The following PHACTR1 variants were observed in gnomAD, a reference collection of about 807,000 sequenced individuals.
The protein encoded by PHACTR1 is phosphatase and actin regulator 1.
A neutral mutation model predicts 69.2 loss-of-function variants in PHACTR1; 16 were observed. That is an observed-to-expected ratio of 0.23 (90% CI 0.16 to 0.35). The LOEUF (loss-of-function observed/expected upper bound fraction) is 0.35, where lower values mean the gene tolerates loss of function less well. Among genes scored for constraint, PHACTR1 ranks in the 10% least tolerant of loss-of-function variants. PHACTR1 has a pLI of 1.00. For synonymous variants in PHACTR1, 312 were observed against 284.5 expected (o/e 1.10, Z -0.97); for missense variants, 510 against 734.7 (o/e 0.69, Z 3.54).
At chr6:12,989,349 T>A (rs1305696674) in intron 4 of PHACTR1, among the ~76,000 whole-genome samples, 4 of 152,006 alleles carry the variant, frequency 2.6e-5, no homozygotes, top group Non-Finnish European at 5.9e-5. Flanking sequence ...ATGAAGAAAA[T>A]GCTTCAGGGT....
chr6:13,035,018 A>C (rs1465125514), intron 4 of PHACTR1, among the ~76,000 whole-genome samples: 1 of 152,236 alleles, frequency 6.6e-6, no homozygotes, highest in Non-Finnish European at 1.5e-5. Flanking sequence ...TTTCTATTTA[A>C]ATAAATGCCT....
At chr6:12,835,410 C>A (rs1778053991) in intron 4 of PHACTR1, among the ~76,000 whole-genome samples, 2 of 151,930 alleles carry the variant, frequency 1.3e-5, no homozygotes, top group African/African-American at 4.8e-5. Flanking sequence ...GTACGACAGG[C>A]CTGAAGGATT....
chr6:13,196,432 G>GTTTTTTTTTTGTTTTTTTTTTTTT (rs1583864869), intron 7 of PHACTR1: 1 of 105,058 alleles, frequency 9.5e-6, no homozygotes, highest in Non-Finnish European at 2.1e-5. Flanking sequence ...TTTTTTTTTT[G>GTTTTTTTTTTGTTTTTTTTTTTTT]TTTTTTGAGA....
At chr6:13,266,440 G>A (rs1324483329) in intron 10 of PHACTR1, 2 of 151,890 alleles carry the variant, frequency 1.3e-5, no homozygotes, top group Admixed American at 6.6e-5. Flanking sequence ...ACTCTTCAAC[G>A]GCTTCACATT....
At chr6:13,046,858 C>G (rs1295532721) in intron 4 of PHACTR1, among the ~76,000 whole-genome samples, 1 of 151,628 alleles carries the variant, frequency 6.6e-6, no homozygotes, top group Non-Finnish European at 1.5e-5. Context: ...TCTAGTTAAT[C>G]AATTCTAGGT....
intron 3 of PHACTR1, among the ~76,000 whole-genome samples, chr6:12,721,546 CAG>C (rs1351364925): frequency 1.3e-5 from 2 of 152,184 alleles, no homozygotes; most frequent in Non-Finnish European, 1.5e-5. Context: ...AAACCCAACT[CAG>C]GGCATAACTG....
intron 4 of PHACTR1, among the ~76,000 whole-genome samples, chr6:12,928,888 T>G (rs1315854801): frequency 6.6e-6 from 1 of 152,176 alleles, no homozygotes; most frequent in Non-Finnish European, 1.5e-5. Flanking sequence ...TACATGAGTC[T>G]CGAAGGAGAA....
chr6:12,778,717 A>T (rs1353440564), intron 4 of PHACTR1, among the ~76,000 whole-genome samples: 1 of 152,238 alleles, frequency 6.6e-6, no homozygotes, highest in African/African-American at 2.4e-5. Context: ...ACCTTGGAAG[A>T]TAGTAAAACT....
At chr6:12,922,332 T>C (rs1787807318) in intron 4 of PHACTR1, among the ~76,000 whole-genome samples, 3 of 152,232 alleles carry the variant, frequency 2.0e-5, no homozygotes, top group Non-Finnish European at 4.4e-5. Context: ...TGTAAAATTA[T>C]TCATAGCTCT....
chr6:13,278,057 G>C (rs545610456), intron 11 of PHACTR1: 12 of 421,066 alleles, frequency 2.8e-5, no homozygotes, highest in African/African-American at 2.0e-4. Flanking sequence ...AAAATGACAA[G>C]GTCAGCCTGC....
At chr6:12,966,684 G>C (rs998369843) in intron 4 of PHACTR1, among the ~76,000 whole-genome samples, 1 of 151,842 alleles carries the variant, frequency 6.6e-6, no homozygotes, top group African/African-American at 2.4e-5. Context: ...GTTTTGTTTT[G>C]TTGATATTGC....
At chr6:12,855,222 C>T (rs768047242) in intron 4 of PHACTR1, among the ~76,000 whole-genome samples, 16 of 152,074 alleles carry the variant, frequency 1.1e-4, no homozygotes, top group Non-Finnish European at 2.1e-4. Context: ...ACCAATTGGC[C>T]GGGTGCCATA....
At chr6:12,764,052 G>T (rs1275066114) in intron 4 of PHACTR1, among the ~76,000 whole-genome samples, 1 of 152,116 alleles carries the variant, frequency 6.6e-6, no homozygotes, top group Non-Finnish European at 1.5e-5. Flanking sequence ...AGTTGAAATG[G>T]TGACACTAAT....
At chr6:13,277,681 C>T (rs1049932670) in intron 11 of PHACTR1, among the ~76,000 whole-genome samples, 8 of 152,174 alleles carry the variant, frequency 5.3e-5, no homozygotes, top group Non-Finnish European at 1.2e-4. Flanking sequence ...TGTGCGGTGG[C>T]TTGCACCTGT....
chr6:12,973,896 TA>T (rs1383750956), intron 4 of PHACTR1, among the ~76,000 whole-genome samples: 3 of 150,360 alleles, frequency 2.0e-5, no homozygotes, highest in African/African-American at 7.3e-5. Flanking sequence ...ACATATACAT[TA>T]GGGGTTGAAG....
chr6:13,033,202 A>C (rs1188660453), intron 4 of PHACTR1, among the ~76,000 whole-genome samples: 1 of 152,198 alleles, frequency 6.6e-6, no homozygotes, highest in Non-Finnish European at 1.5e-5. Context: ...CTCTTATTTA[A>C]ACTTTAGATT....
chr6:12,749,609 C>T (rs1766307589), intron 3 of PHACTR1, 35 bp from the exon 4 acceptor site: 1 of 1,535,612 alleles, frequency 6.5e-7, no homozygotes, highest in Non-Finnish European at 8.8e-7. Flanking sequence ...CCTTCCGCCT[C>T]TCTCCCTCTC....
At chr6:12,930,118 A>T (rs1788708181) in intron 4 of PHACTR1, among the ~76,000 whole-genome samples, 1 of 150,990 alleles carries the variant, frequency 6.6e-6, no homozygotes, top group Non-Finnish European at 1.5e-5. Flanking sequence ...ATCATGACAC[A>T]CTGCAGCCTT....
At chr6:13,210,321 A>G (rs1335222613) in intron 8 of PHACTR1, among the ~76,000 whole-genome samples, 4 of 152,156 alleles carry the variant, frequency 2.6e-5, no homozygotes, top group East Asian at 1.9e-4. Context: ...ACCTGCAGAG[A>G]AGTTCTTAGA....
Sources: allele counts gnomAD v4.1 joint callset (sites outside exome capture counted in the v4.1 genomes callset), GRCh38; gene constraint gnomAD v4.1.1; transcripts MANE v1.5; gene names NCBI Gene and HGNC (gene_info 2026-07-23, HGNC 2026-07-21).